Variants in BBX observed in about 807,000 individuals in gnomAD.
BBX encodes BBX high mobility group box domain containing.
In BBX, 30 loss-of-function variants were observed where a neutral mutation model predicts 100.2. The ratio of observed to expected loss-of-function variants is 0.30; its 90% confidence interval spans 0.22 to 0.41. The LOEUF is 0.41. Ranked by LOEUF, BBX falls within the 10% of genes least tolerant of loss-of-function variation. The pLI, the probability that BBX is intolerant of heterozygous loss-of-function variation, is 1.00. For missense variants in BBX, 1,023 were observed against 1,129.8 expected (o/e 0.91, Z 1.35); for synonymous variants, 376 against 388.1 (o/e 0.97, Z 0.37).
chr3:107,679,789 G>A (rs1266295131), intron 3 of BBX, among the ~76,000 whole-genome samples: 1 of 152,104 alleles, frequency 6.6e-6, no homozygotes, highest in African/African-American at 2.4e-5. Context: ...TCATCTTGAT[G>A]TCGTAGTACC....
At chr3:107,722,313 A>G (rs1200071264) in intron 5 of BBX, among the ~76,000 whole-genome samples, 1 of 152,000 alleles carries the variant, frequency 6.6e-6, no homozygotes, top group Non-Finnish European at 1.5e-5. Flanking sequence ...TTCAGATGTT[A>G]ATTTTTAGAT....
chr3:107,666,012 A>G (rs1020613279), intron 3 of BBX, among the ~76,000 whole-genome samples: 1 of 152,132 alleles, frequency 6.6e-6, no homozygotes, highest in African/African-American at 2.4e-5. Flanking sequence ...CTTTCCATTA[A>G]CTATTGCAGG....
intron 13 of BBX, among the ~76,000 whole-genome samples, chr3:107,785,776 A>G (rs996451568): frequency 6.6e-6 from 1 of 152,092 alleles, no homozygotes; most frequent in Non-Finnish European, 1.5e-5. Flanking sequence ...GGGCAATACA[A>G]GAATATCCAC....
chr3:107,531,944 G>T (rs534156784), intron 2 of BBX, among the ~76,000 whole-genome samples: 26 of 152,158 alleles, frequency 1.7e-4, no homozygotes, highest in Admixed American at 5.9e-4. Flanking sequence ...TGTAATCCCA[G>T]CCCTTTGGGA....
At chr3:107,714,456 A>G (rs2061959266) in intron 4 of BBX, among the ~76,000 whole-genome samples, 1 of 152,148 alleles carries the variant, frequency 6.6e-6, no homozygotes, top group Non-Finnish European at 1.5e-5. Flanking sequence ...CATCTGTTAC[A>G]CGTTGAATTT....
chr3:107,598,703 A>G (rs1327868026), intron 2 of BBX, among the ~76,000 whole-genome samples: 5 of 152,158 alleles, frequency 3.3e-5, no homozygotes, highest in Admixed American at 3.3e-4. Flanking sequence ...AGTAGAACCT[A>G]TGTCCCTTAA....
At chr3:107,757,930 G>A (rs1305940166) in intron 10 of BBX, among the ~76,000 whole-genome samples, 1 of 152,014 alleles carries the variant, frequency 6.6e-6, no homozygotes, top group Non-Finnish European at 1.5e-5. Context: ...CTTCCAATTT[G>A]GGCCACACCC....
At chr3:107,770,755 C>A (rs2066840482) in intron 10 of BBX, among the ~76,000 whole-genome samples, 1 of 152,138 alleles carries the variant, frequency 6.6e-6, no homozygotes, top group Non-Finnish European at 1.5e-5. Context: ...GTGCTCTTGT[C>A]ATGTTCACTT....
intron 2 of BBX, among the ~76,000 whole-genome samples, chr3:107,614,859 A>C (rs557064201): frequency 2.0e-5 from 3 of 152,210 alleles, no homozygotes; most frequent in Non-Finnish European, 4.4e-5. Flanking sequence ...CCCTGCAGGG[A>C]GAATATCAGA....
intron 2 of BBX, among the ~76,000 whole-genome samples, chr3:107,551,107 A>T (rs1269915523): frequency 6.6e-6 from 1 of 152,242 alleles, no homozygotes; most frequent in Non-Finnish European, 1.5e-5. Flanking sequence ...TTATTATATC[A>T]ACAGGTAATT....
intron 2 of BBX, among the ~76,000 whole-genome samples, chr3:107,579,932 A>G (rs1378444654): frequency 1.3e-5 from 2 of 152,158 alleles, no homozygotes. Flanking sequence ...AGTTTTAAGA[A>G]CACAAGTTGG....
Position 107,571,892 on chromosome 3 carries a change from C to T in BBX, c.-84+45494C>T, listed in dbSNP as rs975476203. 3.9e-5 allele frequency among the ~76,000 whole-genome samples: 6 copies of T among 152,312 alleles called. No homozygotes were observed. The East Asian group carries it at 5.8e-4, about 15-fold the overall frequency. ...TGTGTATATGTGTGTATGTGTGGTA[C>T]GTATGTGCATGCACATGTGGTTCAC... On this transcript the variant is annotated intron_variant, in intron 2 of 17. Coordinates refer to ENST00000325805, the MANE Select transcript of BBX (RefSeq NM_001142568.3).
chr3:107,700,420 T>C lies in BBX; in HGVS notation c.-9-10032T>C, dbSNP rs755236191. The stretch of plus-strand genomic sequence containing the variant: ...AGGTATTTTCTTTCATCATCATTAT[T>C]ATTATTATTATTATTATTATTATTA... On this transcript the variant is annotated intron_variant, in intron 3 of 17. Transcript: ENST00000325805. 4.4e-3 allele frequency among the ~76,000 whole-genome samples: 321 copies of C among 72,622 alleles called. 7 individuals are homozygous for C. The highest frequency in any genetic ancestry group is 0.028 in the African/African-American group (291 of 10,252). 47.6% of individuals were successfully genotyped at this position (72,622 alleles called of 152,430 possible).
At chr3:107,651,598 A>G (rs892576228) in intron 3 of BBX, among the ~76,000 whole-genome samples, 8 of 152,160 alleles carry the variant, frequency 5.3e-5, no homozygotes, top group Non-Finnish European at 1.2e-4. Flanking sequence ...GTAAGGCAAT[A>G]TTCTTTTACT....
At chr3:107,762,786 A>G (rs535282778) in intron 10 of BBX, among the ~76,000 whole-genome samples, 118 of 152,252 alleles carry the variant, frequency 7.8e-4, no homozygotes, top group African/African-American at 2.6e-3. Context: ...ATTAAAAGAG[A>G]AATTATATGG....
At chr3:107,611,771 C>G (rs999606091) in intron 2 of BBX, among the ~76,000 whole-genome samples, 1 of 152,040 alleles carries the variant, frequency 6.6e-6, no homozygotes, top group African/African-American at 2.4e-5. Flanking sequence ...ATTTTGATAT[C>G]TTTCTCTAGG....
intron 10 of BBX, among the ~76,000 whole-genome samples, chr3:107,770,433 G>A (rs2066813351): frequency 1.3e-5 from 2 of 151,792 alleles, no homozygotes; most frequent in South Asian, 4.2e-4. Flanking sequence ...CCCCCACATG[G>A]GATAGTTATT....
chr3:107,554,378 A>G (rs1028459502), intron 2 of BBX, among the ~76,000 whole-genome samples: 1 of 152,182 alleles, frequency 6.6e-6, no homozygotes, highest in Admixed American at 6.5e-5. Context: ...GAAATTGTAA[A>G]TAGACTGATG....
At chr3:107,644,200 A>G (rs1354644318) in intron 2 of BBX, among the ~76,000 whole-genome samples, 2 of 65,868 alleles carry the variant, frequency 3.0e-5, no homozygotes, top group Admixed American at 3.4e-4. Flanking sequence ...GAGCTCCTGA[A>G]AGAACTTACT....
Sources: gnomAD v4.1 joint callset for allele counts (sites outside exome capture counted in the v4.1 genomes callset) on GRCh38, gnomAD v4.1.1 for gene constraint, MANE v1.5 for transcripts, NCBI Gene and HGNC (gene_info 2026-07-23, HGNC 2026-07-21) for gene names.